The following SCHIP1 variants were observed in gnomAD, a reference collection of about 807,000 sequenced individuals.
The protein encoded by SCHIP1 is schwannomin interacting protein 1.
In SCHIP1, 8 loss-of-function variants were observed where a neutral mutation model predicts 29.7. The ratio of observed to expected loss-of-function variants is 0.27; its 90% CI spans 0.16 to 0.49. The LOEUF (loss-of-function observed/expected upper bound fraction) is 0.49. Ranked by LOEUF, SCHIP1 falls within the 20% of genes least tolerant of loss-of-function variation. SCHIP1 has a pLI of 0.99. For missense variants in SCHIP1, 193 were observed against 294.6 expected (o/e 0.66, Z 2.52); for synonymous variants, 76 against 94.9 (o/e 0.80, Z 1.16).
chr3:159,398,116 G>C, the SCHIP1 span, among the ~76,000 whole-genome samples: 1 of 152,160 alleles, frequency 6.6e-6, no homozygotes, highest in Admixed American at 6.5e-5. Context: ...CCCTTTCTTT[G>C]ACTAGGAAAG....
At chr3:159,606,196 A>G in the SCHIP1 span, among the ~76,000 whole-genome samples, 4 of 152,324 alleles carry the variant, frequency 2.6e-5, no homozygotes, top group African/African-American at 4.8e-5. Flanking sequence ...TACATTTTCA[A>G]ATAAATTCAC....
At chr3:159,334,462 T>G in the SCHIP1 span, among the ~76,000 whole-genome samples, 1 of 152,196 alleles carries the variant, frequency 6.6e-6, no homozygotes, top group Non-Finnish European at 1.5e-5. Flanking sequence ...TATTATTATT[T>G]TGGTATACAC....
At chr3:159,421,013 C>T in the SCHIP1 span, among the ~76,000 whole-genome samples, 3 of 152,282 alleles carry the variant, frequency 2.0e-5, no homozygotes, top group African/African-American at 7.2e-5. Flanking sequence ...TCGAAAACCT[C>T]ATTAAAGTCT....
chr3:159,770,918 G>A, the SCHIP1 span, among the ~76,000 whole-genome samples: 6 of 152,226 alleles, frequency 3.9e-5, no homozygotes, highest in Admixed American at 3.3e-4. Flanking sequence ...AGCTCTAGCT[G>A]TAGACTCAAC....
chr3:159,753,920 C>A, the SCHIP1 span, among the ~76,000 whole-genome samples: 2 of 152,188 alleles, frequency 1.3e-5, no homozygotes, highest in African/African-American at 4.8e-5. Flanking sequence ...CTGCTCAACC[C>A]ATTTCCTGAT....
At chr3:159,588,200 T>C in the SCHIP1 span, among the ~76,000 whole-genome samples, 2 of 152,248 alleles carry the variant, frequency 1.3e-5, no homozygotes, top group Admixed American at 6.5e-5. Context: ...GATTTTGATT[T>C]GCATTTCTCT....
chr3:159,789,819 T>G, the SCHIP1 span, among the ~76,000 whole-genome samples: 1 of 152,210 alleles, frequency 6.6e-6, no homozygotes, highest in Admixed American at 6.5e-5. Context: ...AAACCTGATG[T>G]GTAAAATAGC....
the SCHIP1 span, among the ~76,000 whole-genome samples, chr3:159,488,224 G>A: frequency 2.0e-5 from 3 of 151,962 alleles, no homozygotes; most frequent in Admixed American, 1.3e-4. Flanking sequence ...GATGGTTAAT[G>A]GACACACAAA....
At chr3:159,286,482 A>G in the SCHIP1 span, among the ~76,000 whole-genome samples, 3 of 152,162 alleles carry the variant, frequency 2.0e-5, no homozygotes, top group Non-Finnish European at 4.4e-5. Flanking sequence ...ATTGACAGGC[A>G]TTTAGGTTGA....
chr3:159,556,985 T>C, the SCHIP1 span, among the ~76,000 whole-genome samples: 2 of 149,220 alleles, frequency 1.3e-5, no homozygotes, highest in African/African-American at 5.0e-5. Flanking sequence ...GGAGATAGAG[T>C]CTTGCTCTGC....
At chr3:159,276,460 G>T in the SCHIP1 span, among the ~76,000 whole-genome samples, 40 of 152,236 alleles carry the variant, frequency 2.6e-4, no homozygotes, top group Non-Finnish European at 4.6e-4. Flanking sequence ...GCATCCCAGA[G>T]AATCACTATA....
the SCHIP1 span, among the ~76,000 whole-genome samples, chr3:159,589,767 T>C: frequency 6.6e-6 from 1 of 152,206 alleles, no homozygotes; most frequent in South Asian, 2.1e-4. Context: ...GACTATACTG[T>C]GAAGAAATGT....
chr3:159,522,022 T>G, the SCHIP1 span, among the ~76,000 whole-genome samples: 1 of 152,206 alleles, frequency 6.6e-6, no homozygotes, highest in African/African-American at 2.4e-5. Flanking sequence ...TAGCCTGTGA[T>G]CAGAGGACAA....
the SCHIP1 span, among the ~76,000 whole-genome samples, chr3:159,653,173 A>G: frequency 2.6e-5 from 4 of 152,204 alleles, no homozygotes; most frequent in Non-Finnish European, 4.4e-5. Context: ...TGTGGAAGAC[A>G]GTGTGGTGAT....
chr3:159,394,747 A>G, the SCHIP1 span, among the ~76,000 whole-genome samples: 31 of 152,294 alleles, frequency 2.0e-4, no homozygotes, highest in Middle Eastern at 3.4e-3. Flanking sequence ...TTGCATCAAT[A>G]TTCATCAAGG....
chr3:159,813,913 T>C, the SCHIP1 span, among the ~76,000 whole-genome samples: 1 of 152,198 alleles, frequency 6.6e-6, no homozygotes, highest in Non-Finnish European at 1.5e-5. Context: ...CTCTAGATTC[T>C]AGCAGCATCT....
At chr3:159,322,692 T>C in the SCHIP1 span, among the ~76,000 whole-genome samples, 1 of 152,220 alleles carries the variant, frequency 6.6e-6, no homozygotes, top group African/African-American at 2.4e-5. Context: ...ACAAAAATGT[T>C]CCAGGATGCT....
chr3:159,878,594 C>T lies in SCHIP1; in HGVS notation c.150-7613C>T, dbSNP rs1167207334. The stretch of plus-strand genomic sequence containing the variant: ...GAGATCGAGACCATCCCGGCTAAAA[C>T]GGTGAAACCCCGTCTCTACTAAAAA... On this transcript the variant is annotated intron_variant, in intron 2 of 6. Coordinates refer to ENST00000445224, the Ensembl canonical transcript of SCHIP1. Among the ~76,000 whole-genome samples, 6 of 150,938 alleles carry T rather than the reference C, an allele frequency of 4.0e-5. No individual in the cohort carries two copies. In the South Asian group the frequency reaches 8.3e-4, roughly 21 times the overall value.
At chr3:159,750,639 T>A in the SCHIP1 span, among the ~76,000 whole-genome samples, 1 of 152,126 alleles carries the variant, frequency 6.6e-6, no homozygotes, top group African/African-American at 2.4e-5. Context: ...CACCTGTGTG[T>A]CCTTCACAGC....
Sources: gnomAD v4.1 joint callset for allele counts (sites outside exome capture counted in the v4.1 genomes callset) on GRCh38, gnomAD v4.1.1 for gene constraint, MANE v1.5 for transcripts, NCBI Gene and HGNC (gene_info 2026-07-23, HGNC 2026-07-21) for gene names.